CUX1: variants seen among roughly 807,000 people sequenced by gnomAD.
CUX1 encodes the protein protein CASP.
A neutral mutation model predicts 158.8 loss-of-function variants in CUX1; 31 were observed. That is an observed-to-expected ratio of 0.20 (90% CI 0.15 to 0.26). The LOEUF is 0.26. Ranked by LOEUF, CUX1 falls within the 10% of genes least tolerant of loss-of-function variation. The pLI is 1.00. For missense variants in CUX1, 1,589 were observed against 2,014.6 expected, an observed-to-expected ratio of 0.79 and a Z score of 4.04; for synonymous variants, 879 against 862.1, an observed-to-expected ratio of 1.02 and a Z score of -0.34.
rs782144596 is a variant in CUX1, at chr7:102,201,475, T to G, written c.2178T>G (p.Pro726=). The change falls in exon 18 of 24, where the codon CCT becomes CCG. Residue 726 remains proline, a synonymous_variant. Coordinates refer to ENST00000292535, the MANE Select transcript of CUX1 (RefSeq NM_181552.4). This position sits in a 1 kb window ranked among gnomAD's most constrained non-coding sequence, Gnocchi z 5.0. ...AGGCCCAGCAGGCTGCCCTCGACCCTGCCTTAAAGCAGGCACCACTGTCCC... is the reference window on the plus strand; with the variant it reads ...AGGCCCAGCAGGCTGCCCTCGACCCGGCCTTAAAGCAGGCACCACTGTCCC... The part of the protein sequence containing the change: ...EMEAQQAALD[P]ALKQAPLSQS... 32 of 1,613,994 alleles carry G rather than the reference T, an allele frequency of 2.0e-5. No homozygotes were observed. In the Middle Eastern group the frequency reaches 2.5e-3, roughly 124 times the overall value.
At chr7:102,138,003 T>C (rs782595012) in intron 8 of CUX1, among the ~76,000 whole-genome samples, 22 of 151,774 alleles carry the variant, frequency 1.4e-4, no homozygotes, top group Non-Finnish European at 2.6e-4. Flanking sequence ...CTGGGCAACG[T>C]AGTGAGATCG....
chr7:102,102,764 C>G (rs1829916389), intron 5 of CUX1, among the ~76,000 whole-genome samples: 1 of 152,234 alleles, frequency 6.6e-6, no homozygotes, highest in South Asian at 2.1e-4. Flanking sequence ...CAGCGGGCGA[C>G]AATTCCTAAG....
At chr7:102,052,954 C>A (rs1464961729) in intron 3 of CUX1, among the ~76,000 whole-genome samples, 1 of 152,002 alleles carries the variant, frequency 6.6e-6, no homozygotes, top group Non-Finnish European at 1.5e-5. Flanking sequence ...ATTACAGGCA[C>A]GTGCCACCAT....
chr7:102,144,303 C>T (rs1554501251), intron 8 of CUX1, among the ~76,000 whole-genome samples: 1 of 152,074 alleles, frequency 6.6e-6, no homozygotes, highest in Admixed American at 6.6e-5. Flanking sequence ...TTTTTGTTGT[C>T]TTATTGGGTT....
In CUX1 at chr7:101,984,109, T is replaced by C. The variant is rs561242509; in HGVS notation, c.142-43989T>C. On this transcript the variant is annotated intron_variant, in intron 2 of 23. Transcript: ENST00000292535. ...AAAAAAATATATATATATATATATA[T>C]ATATATATATATATATATATACACA... is the stretch of plus-strand genomic sequence containing the variant. 3.3e-4 allele frequency among the ~76,000 whole-genome samples: 13 copies of C among 39,944 alleles called. 3 individuals are homozygous for C. The highest frequency in any genetic ancestry group is 1.0e-3 in the African/African-American group (11 of 10,802). 26.2% of individuals were successfully genotyped at this position (39,944 alleles called of 152,430 possible).
chr7:102,250,973 T>A lies in CUX1; in HGVS notation c.*1931T>A. ...AATAGATGATTTCGGTATATATATATATTTTTTTTTGCTTATTTATAGGTG... is the reference window on the plus strand; with the variant it reads ...AATAGATGATTTCGGTATATATATAAATTTTTTTTTGCTTATTTATAGGTG... On this transcript the variant is annotated 3_prime_UTR_variant, in exon 24 of 24. Coordinates refer to ENST00000292535, the MANE Select transcript of CUX1 (RefSeq NM_181552.4). 1.0e-6 allele frequency: 1 copy of A among 956,006 alleles called. No homozygotes were observed. Among genetic ancestry groups the A allele is most frequent in the Middle Eastern group, 5.4e-4 (1 of 1,852 alleles). 59.2% of individuals were successfully genotyped at this position (956,006 alleles called of 1,614,324 possible). A position where few individuals can be genotyped will look rare whatever the true frequency, so the allele number is the denominator to read the frequency against.
intron 9 of CUX1, among the ~76,000 whole-genome samples, chr7:102,162,065 G>A (rs1189465765): frequency 6.6e-6 from 1 of 151,982 alleles, no homozygotes; most frequent in Non-Finnish European, 1.5e-5. Flanking sequence ...AGGGAAAGAC[G>A]GCAGCACCAC....
At chr7:102,015,152 G>T (rs1818440350) in intron 2 of CUX1, among the ~76,000 whole-genome samples, 1 of 152,196 alleles carries the variant, frequency 6.6e-6, no homozygotes, top group South Asian at 2.1e-4. Context: ...CACAAGCGAT[G>T]AATAAACGTG....
chr7:101,962,136 T>A (rs1480404645), intron 2 of CUX1, among the ~76,000 whole-genome samples: 1 of 151,986 alleles, frequency 6.6e-6, no homozygotes, highest in Non-Finnish European at 1.5e-5. Flanking sequence ...AAATATAAAC[T>A]AACAGTAACA....
At position 102,250,843 on chromosome 7, in the gene CUX1, C is replaced by G. The variant is rs1256053549; in HGVS notation, c.*1801C>G. ...GTATTTTCTTAAGTACCTGTGCACA[C>G]GTAGAGTGCATTACTGCCACCTTTT... On this transcript the variant is annotated 3_prime_UTR_variant, in exon 24 of 24. Coordinates refer to ENST00000292535, the MANE Select transcript of CUX1 (RefSeq NM_181552.4). 1.0e-6 allele frequency: 1 copy of G among 985,272 alleles called. No individual in the cohort carries two copies. Among genetic ancestry groups the G allele is most frequent in the Non-Finnish European group, 1.2e-6 (1 of 829,944 alleles). The allele number at this position is 985,272 out of a possible 1,614,324, so 61.0% of individuals were successfully genotyped here.
intron 2 of CUX1, among the ~76,000 whole-genome samples, chr7:101,967,773 C>T (rs1378020505): frequency 6.6e-6 from 1 of 152,222 alleles, no homozygotes; most frequent in African/African-American, 2.4e-5. Flanking sequence ...AATTTCCTCT[C>T]CCCATGTCTG....
At chr7:101,915,336 T>C (rs965786431) in intron 1 of CUX1, among the ~76,000 whole-genome samples, 2 of 152,154 alleles carry the variant, frequency 1.3e-5, no homozygotes, top group Non-Finnish European at 2.9e-5. Flanking sequence ...TATCGGTTTG[T>C]TGCGGGGAGC....
intron 1 of CUX1, among the ~76,000 whole-genome samples, chr7:101,893,632 G>A (rs903265449): frequency 1.3e-5 from 2 of 152,204 alleles, no homozygotes; most frequent in Admixed American, 6.5e-5. Flanking sequence ...GCATGCTGAT[G>A]TTAGGGGCAG....
At chr7:101,912,388 C>T (rs1662296011) in intron 1 of CUX1, among the ~76,000 whole-genome samples, 1 of 152,168 alleles carries the variant, frequency 6.6e-6, no homozygotes, top group South Asian at 2.1e-4. Context: ...TTCCAGGCCT[C>T]TGCCCCTGCA....
chr7:101,991,628 G>A (rs1332451218), intron 2 of CUX1, among the ~76,000 whole-genome samples: 2 of 152,042 alleles, frequency 1.3e-5, no homozygotes, highest in African/African-American at 2.4e-5. Context: ...ACGTGGTGGT[G>A]TGCACCTGTA....
intron 8 of CUX1, among the ~76,000 whole-genome samples, chr7:102,156,426 T>C (rs2131554726): frequency 6.6e-6 from 1 of 152,246 alleles, no homozygotes; most frequent in Middle Eastern, 3.4e-3. Flanking sequence ...GGGAGGTTCC[T>C]GGCATTATGA....
intron 9 of CUX1, among the ~76,000 whole-genome samples, chr7:102,158,855 C>T (rs182703202): frequency 6.6e-6 from 1 of 152,338 alleles, no homozygotes; most frequent in Admixed American, 6.5e-5. Flanking sequence ...GTGAACATCC[C>T]CTCCAAAGTG....
intron 11 of CUX1, among the ~76,000 whole-genome samples, chr7:102,180,633 C>CT (rs57798951): frequency 0.036 from 5,176 of 142,098 alleles, 308 homozygotes; most frequent in African/African-American, 0.12. Context: ...GGCCCAATGT[C>CT]TTTTTTTTTT....
At chr7:102,210,030 G>T (rs782092264) in intron 20 of CUX1, among the ~76,000 whole-genome samples, 1 of 152,130 alleles carries the variant, frequency 6.6e-6, no homozygotes, top group East Asian at 1.9e-4. Flanking sequence ...GGGACTTATA[G>T]ACACTTTCCA....
Sources: allele counts gnomAD v4.1 joint callset (sites outside exome capture counted in the v4.1 genomes callset), GRCh38; gene constraint gnomAD v4.1.1; non-coding constraint Gnocchi (gnomAD v3.1); transcripts MANE v1.5; gene names NCBI Gene and HGNC (gene_info 2026-07-23, HGNC 2026-07-21).